GALNTL6: variants seen among roughly 807,000 people sequenced by gnomAD.
GALNTL6 encodes the protein polypeptide N-acetylgalactosaminyltransferase-like 6.
In GALNTL6, 46 loss-of-function variants were observed where a neutral mutation model predicts 73.7. The ratio of observed to expected loss-of-function variants is 0.62; its 90% CI spans 0.49 to 0.80. The LOEUF (loss-of-function observed/expected upper bound fraction) is 0.80. GALNTL6 is among the 30% of genes least tolerant of loss of function. The pLI is 0.00. For missense variants in GALNTL6, 604 were observed against 755.0 expected (o/e 0.80, Z 2.34); for synonymous variants, 259 against 263.7 (o/e 0.98, Z 0.17).
intron 10 of GALNTL6, among the ~76,000 whole-genome samples, chr4:172,994,839 G>A (rs1751704482): frequency 6.6e-6 from 1 of 152,138 alleles, no homozygotes; most frequent in Non-Finnish European, 1.5e-5. Flanking sequence ...CATATCCTCA[G>A]AACCAGTCCC....
chr4:172,818,672 C>T (rs1255583113), intron 7 of GALNTL6, among the ~76,000 whole-genome samples: 2 of 152,176 alleles, frequency 1.3e-5, no homozygotes, highest in Non-Finnish European at 2.9e-5. Flanking sequence ...AATCTCGGCT[C>T]ACTGCAACCT....
intron 2 of GALNTL6, among the ~76,000 whole-genome samples, chr4:172,018,031 T>A (rs1403103006): frequency 6.6e-6 from 1 of 152,142 alleles, no homozygotes; most frequent in Non-Finnish European, 1.5e-5. Flanking sequence ...TGAACAGATT[T>A]GGGACCTCTG....
At chr4:172,568,797 C>T (rs1297710786) in intron 5 of GALNTL6, among the ~76,000 whole-genome samples, 1 of 147,276 alleles carries the variant, frequency 6.8e-6, no homozygotes, top group Non-Finnish European at 1.5e-5. Flanking sequence ...AGATGAACAT[C>T]TACGTCAAGC....
At chr4:172,219,193 G>T (rs1340797155) in intron 2 of GALNTL6, among the ~76,000 whole-genome samples, 1 of 28,636 alleles carries the variant, frequency 3.5e-5, no homozygotes, top group Non-Finnish European at 6.8e-5. Context: ...GTCAGATTAA[G>T]CAAGTGTATA....
intron 7 of GALNTL6, among the ~76,000 whole-genome samples, chr4:172,849,959 GA>G (rs1351364719): frequency 6.6e-6 from 1 of 152,178 alleles, no homozygotes; most frequent in Non-Finnish European, 1.5e-5. Context: ...TTTCTTGCTG[GA>G]AAGGTGCGAC....
chr4:172,558,659 G>A lies in GALNTL6; in HGVS notation c.553+209970G>A, dbSNP rs1736231986. Among the ~76,000 whole-genome samples, 2 of 152,078 alleles carry A rather than the reference G, an allele frequency of 1.3e-5. 1 individual carries two copies. The highest frequency in any genetic ancestry group is 4.1e-4 in the South Asian group (2 of 4,822). On this transcript the variant is annotated intron_variant, in intron 5 of 12. Coordinates refer to ENST00000506823, the MANE Select transcript of GALNTL6 (RefSeq NM_001034845.3). ...ATGTTGTTTAAGCCACCGAGTCTGT[G>A]CTATTTTTGTATAACCACCCTAGCA...
chr4:171,911,509 GAAGAAATGCAACCCCTGT>G (rs1264602706), intron 2 of GALNTL6, among the ~76,000 whole-genome samples: 12 of 152,278 alleles, frequency 7.9e-5, no homozygotes, highest in African/African-American at 2.6e-4. Flanking sequence ...TCCTCATCCT[GAAGAAATGCAACCCCTGT>G]AGGAAAACTC....
chr4:172,585,576 G>A (rs1441917783), intron 5 of GALNTL6, among the ~76,000 whole-genome samples: 2 of 152,130 alleles, frequency 1.3e-5, no homozygotes, highest in African/African-American at 2.4e-5. Context: ...TCCCTGCAGA[G>A]GACATAATCC....
intron 2 of GALNTL6, among the ~76,000 whole-genome samples, chr4:171,921,278 G>A (rs1477939008): frequency 2.6e-5 from 4 of 152,012 alleles, no homozygotes; most frequent in Non-Finnish European, 5.9e-5. Flanking sequence ...CTGACTATGT[G>A]TCGACCATGT....
chr4:172,222,594 ACT>A (rs1159238029), intron 2 of GALNTL6, among the ~76,000 whole-genome samples: 2 of 151,608 alleles, frequency 1.3e-5, no homozygotes, highest in African/African-American at 4.8e-5. Context: ...GCCAGAACTG[ACT>A]CTGTCTCTGA....
In GALNTL6 at chr4:172,069,568, C is replaced by CATATGTGTTATATATATTATATATAACAT. The variant is rs1560909645; in HGVS notation, c.139-160084_139-160083insGTGTTATATATATTATATATAACATATAT. On this transcript the variant is annotated intron_variant, in intron 2 of 12. Transcript: ENST00000506823. Reference sequence around the variant, plus strand: ...TAACACATATATGTTATATATAACACATATATGTTATATATTATATATATA... The same window carrying CATATGTGTTATATATATTATATATAACAT: ...TAACACATATATGTTATATATAACACATATGTGTTATATATATTATATATAACATATATATGTTATATATTATATATATA... 2.1e-3 allele frequency among the ~76,000 whole-genome samples: 73 copies of CATATGTGTTATATATATTATATATAACAT among 35,164 alleles called. 23 individuals are homozygous for CATATGTGTTATATATATTATATATAACAT. Among genetic ancestry groups the CATATGTGTTATATATATTATATATAACAT allele is most frequent in the Non-Finnish European group, 3.8e-3 (57 of 15,002 alleles). The allele number at this position is 35,164 out of a possible 152,430, so 23.1% of individuals were successfully genotyped here.
At chr4:172,077,833 C>T (rs1290759526) in intron 2 of GALNTL6, among the ~76,000 whole-genome samples, 4 of 152,114 alleles carry the variant, frequency 2.6e-5, no homozygotes, top group Non-Finnish European at 5.9e-5. Flanking sequence ...TTTATGGCAG[C>T]CCCTCCCATC....
chr4:173,014,704 A>G (rs1295974462), intron 11 of GALNTL6, among the ~76,000 whole-genome samples: 1 of 152,182 alleles, frequency 6.6e-6, no homozygotes, highest in African/African-American at 2.4e-5. Flanking sequence ...AAACATCACA[A>G]TCCAGACAGA....
At chr4:172,081,466 C>T (rs1368307534) in intron 2 of GALNTL6, among the ~76,000 whole-genome samples, 1 of 152,214 alleles carries the variant, frequency 6.6e-6, no homozygotes, top group Non-Finnish European at 1.5e-5. Flanking sequence ...GGTGAAACCC[C>T]GTCTCTACTA....
intron 2 of GALNTL6, among the ~76,000 whole-genome samples, chr4:171,826,529 G>T (rs1045255267): frequency 8.5e-5 from 13 of 152,184 alleles, no homozygotes; most frequent in Non-Finnish European, 1.5e-4. Context: ...TATTGGAGGG[G>T]GTAGGGGAGC....
rs202010821 is a variant in GALNTL6 at position 172,331,927 on chromosome 4, A to T, written c.387-16596A>T. Among the ~76,000 whole-genome samples, 123 of 152,248 alleles carry T rather than the reference A, an allele frequency of 8.1e-4. 2 individuals carry two copies. In the South Asian group the frequency reaches 0.016, roughly 19 times the overall value. ...GGATCATATTTTAGTACTATTATTAATTTTTTAAGAAATCTCTATACTGTT... is the reference window on the plus strand; with the variant it reads ...GGATCATATTTTAGTACTATTATTATTTTTTTAAGAAATCTCTATACTGTT... On this transcript the variant is annotated intron_variant, in intron 4 of 12. Transcript: ENST00000506823.
chr4:172,795,068 A>G (rs2110941513), intron 5 of GALNTL6, among the ~76,000 whole-genome samples: 1 of 152,340 alleles, frequency 6.6e-6, no homozygotes, highest in Non-Finnish European at 1.5e-5. Flanking sequence ...ACTCCTTCAC[A>G]AAATCCCTCG....
At chr4:172,481,777 TA>T (rs1187388957) in intron 5 of GALNTL6, among the ~76,000 whole-genome samples, 1 of 152,126 alleles carries the variant, frequency 6.6e-6, no homozygotes, top group African/African-American at 2.4e-5. Flanking sequence ...CCGCTAGACA[TA>T]AAAGTTCTCC....
chr4:172,464,313 T>A (rs1732725726), intron 5 of GALNTL6, among the ~76,000 whole-genome samples: 1 of 152,196 alleles, frequency 6.6e-6, no homozygotes, highest in Non-Finnish European at 1.5e-5. Flanking sequence ...TGATGACTAA[T>A]ATTGAGAATT....
Sources: allele counts gnomAD v4.1 joint callset (sites outside exome capture counted in the v4.1 genomes callset), GRCh38; gene constraint gnomAD v4.1.1; transcripts MANE v1.5; gene names NCBI Gene and HGNC (gene_info 2026-07-23, HGNC 2026-07-21).